The following AJAP1 variants were observed in gnomAD, a reference collection of about 807,000 sequenced individuals.
The protein encoded by AJAP1 is adherens junction-associated protein 1.
Under a neutral mutation model 35.0 loss-of-function variants are expected in AJAP1, and 5 were observed. That is an observed-to-expected ratio of 0.14 (90% CI 0.07 to 0.30). AJAP1 has a LOEUF of 0.30. Ranked by LOEUF, AJAP1 falls within the 10% of genes least tolerant of loss-of-function variation. AJAP1 has a pLI of 1.00. For synonymous variants in AJAP1, 284 were observed against 249.3 expected (o/e 1.14, Z -1.31); for missense variants, 586 against 571.0 (o/e 1.03, Z -0.27).
intron 5 of AJAP1, among the ~76,000 whole-genome samples, chr1:4,779,192 G>A (rs372616265): frequency 1.3e-5 from 2 of 152,318 alleles, no homozygotes; most frequent in African/African-American, 4.8e-5. Context: ...TTTGAGGCTT[G>A]AGATTTGCAA....
chr1:4,683,814 G>T (rs1431035904), intron 1 of AJAP1, among the ~76,000 whole-genome samples: 2 of 152,182 alleles, frequency 1.3e-5, no homozygotes, highest in Admixed American at 1.3e-4. Flanking sequence ...GAACATCACT[G>T]TCCCCAGAGA....
chr1:4,705,242 TG>T (rs2100252652), intron 1 of AJAP1, among the ~76,000 whole-genome samples: 1 of 152,074 alleles, frequency 6.6e-6, no homozygotes, highest in African/African-American at 2.4e-5. Context: ...TAATTCAAGA[TG>T]GATTAAAGAC....
intron 2 of AJAP1, among the ~76,000 whole-genome samples, chr1:4,737,934 C>G (rs1311221459): frequency 6.6e-6 from 1 of 152,164 alleles, no homozygotes; most frequent in Non-Finnish European, 1.5e-5. Flanking sequence ...AAACCAAAAC[C>G]AGCTGCCTTT....
intron 2 of AJAP1, among the ~76,000 whole-genome samples, chr1:4,758,404 T>A (rs1641486803): frequency 6.6e-6 from 1 of 152,132 alleles, no homozygotes; most frequent in Non-Finnish European, 1.5e-5. Context: ...CAACTCACAG[T>A]TCTGCATGGC....
chr1:4,730,337 G>C (rs1640768755), intron 2 of AJAP1, among the ~76,000 whole-genome samples: 1 of 152,196 alleles, frequency 6.6e-6, no homozygotes, highest in African/African-American at 2.4e-5. Context: ...CACAGACACT[G>C]ACACAGAATT....
rs755293852 is a variant in AJAP1 at position 4,772,251 on chromosome 1, C to T, written c.918-29C>T. Reference sequence around the variant, plus strand: ...TTGTGGGTTTCCGGCCTCTGCCCGTCCCCCTACCCCAAACTCTTTCTCTTC... The same window carrying T: ...TTGTGGGTTTCCGGCCTCTGCCCGTTCCCCTACCCCAAACTCTTTCTCTTC... On this transcript the variant is annotated intron_variant, in intron 3 of 5. Coordinates refer to ENST00000378191, the MANE Select transcript of AJAP1 (RefSeq NM_018836.4). The T allele has an allele frequency of 1.9e-6, 3 of 1,611,206 alleles. No homozygotes were observed. The South Asian group carries it at 3.3e-5, about 18-fold the overall frequency.
At chr1:4,779,075 A>G (rs1354709131) in intron 5 of AJAP1, among the ~76,000 whole-genome samples, 1 of 152,228 alleles carries the variant, frequency 6.6e-6, no homozygotes, top group African/African-American at 2.4e-5. Flanking sequence ...GTCACCGAGC[A>G]AGTGCTGCAG....
chr1:4,655,503 G>C lies in AJAP1; in HGVS notation c.29+49G>C, dbSNP rs1638858419. On this transcript the variant is annotated intron_variant, in intron 1 of 5. Transcript: ENST00000378191. The surrounding 1 kb of genome is among the most constrained non-coding windows in gnomAD (Gnocchi z 6.9). ...GTGCGTGTGGGCGCGTGGGTGCCAG[G>C]CTGGGCGGAAGCGGCGCTTTCCTCT... is the stretch of plus-strand genomic sequence containing the variant. 2 of 1,549,532 alleles carry C rather than the reference G, an allele frequency of 1.3e-6. No individual in the cohort carries two copies. The highest frequency in any genetic ancestry group is 1.4e-5 in the African/African-American group (1 of 70,622).
intron 1 of AJAP1, among the ~76,000 whole-genome samples, chr1:4,676,255 CTTTA>C (rs1297341829): frequency 2.6e-5 from 4 of 152,116 alleles, no homozygotes; most frequent in African/African-American, 9.7e-5. Context: ...CTTGCGCATT[CTTTA>C]TTTTTTTTAA....
chr1:4,787,931 G>A lies in AJAP1; in HGVS notation c.*5446G>A, dbSNP rs563758286. On this transcript the variant is annotated 3_prime_UTR_variant, in exon 6 of 6. Coordinates refer to ENST00000378191, the MANE Select transcript of AJAP1 (RefSeq NM_018836.4). The stretch of plus-strand genomic sequence containing the variant: ...GTAAGCAGCTATTCCAAAACATGCC[G>A]TGATTCATGTAATTTTTGAGTGGTT... The A allele has an allele frequency of 5.4e-5, 18 of 332,370 alleles. No individual in the cohort carries two copies. The highest frequency in any genetic ancestry group is 3.9e-4 in the Middle Eastern group (1 of 2,566). The allele number at this position is 332,370 out of a possible 1,614,324, so 20.6% of individuals were successfully genotyped here. A position where few individuals can be genotyped will look rare whatever the true frequency, so the allele number is the denominator to read the frequency against.
chr1:4,660,254 T>C (rs1438017255), intron 1 of AJAP1, among the ~76,000 whole-genome samples: 1 of 152,160 alleles, frequency 6.6e-6, no homozygotes, highest in Non-Finnish European at 1.5e-5. Flanking sequence ...ATGACAAAAT[T>C]ATAGACGTGG....
At chr1:4,729,192 G>A (rs754119267) in intron 2 of AJAP1, among the ~76,000 whole-genome samples, 5 of 152,188 alleles carry the variant, frequency 3.3e-5, no homozygotes, top group African/African-American at 7.2e-5. Flanking sequence ...ATGAATAAGC[G>A]GGCCCAGCCT....
intron 2 of AJAP1, among the ~76,000 whole-genome samples, chr1:4,742,653 A>G (rs928820826): frequency 1.3e-5 from 2 of 152,204 alleles, no homozygotes; most frequent in Non-Finnish European, 2.9e-5. Context: ...ATGATGCAAT[A>G]TAAAAGCTGA....
At chr1:4,776,571 CA>C (rs1037438350) in intron 5 of AJAP1, among the ~76,000 whole-genome samples, 10 of 151,958 alleles carry the variant, frequency 6.6e-5, no homozygotes, top group African/African-American at 2.2e-4. Flanking sequence ...TAAAATAGGG[CA>C]AAAAAAAGTG....
Position 4,743,104 on chromosome 1 carries a change from G to T in AJAP1, c.830-26749G>T, listed in dbSNP as rs1357005839. ...TCCTGGAACTTGTCCTGCACCCACA[G>T]ATTACCCCTTGGTGGCTGCAGTGAC... is the stretch of plus-strand genomic sequence containing the variant. On this transcript the variant is annotated intron_variant, in intron 2 of 5. Transcript: ENST00000378191. Among the ~76,000 whole-genome samples the T allele has an allele frequency of 2.6e-5, 4 of 152,240 alleles. No individual in the cohort carries two copies. The East Asian group carries it at 7.7e-4, about 29-fold the overall frequency.
At position 4,744,689 on chromosome 1, in the gene AJAP1, A is replaced by G. The variant is rs561282464; in HGVS notation, c.830-25164A>G. Among the ~76,000 whole-genome samples, 59 of 152,056 alleles carry G rather than the reference A, an allele frequency of 3.9e-4. 1 individual carries two copies. Among genetic ancestry groups the G allele is most frequent in the African/African-American group, 1.3e-3 (52 of 41,488 alleles). ...AGCACGCCCACCCTCATGTCTCACC[A>G]TGTGCACATAACACACAGTCACATA... is the stretch of plus-strand genomic sequence containing the variant. On this transcript the variant is annotated intron_variant, in intron 2 of 5. Transcript: ENST00000378191.
chr1:4,704,862 G>A (rs1191661596), intron 1 of AJAP1, among the ~76,000 whole-genome samples: 1 of 152,200 alleles, frequency 6.6e-6, no homozygotes, highest in Non-Finnish European at 1.5e-5. Flanking sequence ...ACTGGTGTGA[G>A]ATGGTATCTC....
At chr1:4,763,781 C>G (rs986436817) in intron 2 of AJAP1, among the ~76,000 whole-genome samples, 4 of 149,758 alleles carry the variant, frequency 2.7e-5, no homozygotes, top group Non-Finnish European at 5.9e-5. Context: ...CTTCCTCCCT[C>G]TCTCCCTCAT....
intron 2 of AJAP1, among the ~76,000 whole-genome samples, chr1:4,739,320 G>A (rs1641002981): frequency 6.6e-6 from 1 of 152,090 alleles, no homozygotes; most frequent in Non-Finnish European, 1.5e-5. Context: ...GGGGTCTGCC[G>A]GCCTTGGAAA....
Sources: allele counts gnomAD v4.1 joint callset (sites outside exome capture counted in the v4.1 genomes callset), GRCh38; gene constraint gnomAD v4.1.1; non-coding constraint Gnocchi (gnomAD v3.1); transcripts MANE v1.5; gene names NCBI Gene and HGNC (gene_info 2026-07-23, HGNC 2026-07-21).